MUSK: variants seen among roughly 807,000 people sequenced by gnomAD.
MUSK encodes muscle, skeletal receptor tyrosine-protein kinase.
MUSK carries 55 observed loss-of-function variants against 88.7 expected under a neutral mutation model. The ratio of observed to expected loss-of-function variants is 0.62; its 90% confidence interval spans 0.50 to 0.78. MUSK has a LOEUF of 0.78. Among genes scored for constraint, MUSK ranks in the 30% least tolerant of loss-of-function variants. The pLI, the probability that MUSK is intolerant of heterozygous loss-of-function variation, is 0.00. For missense variants in MUSK, 1,015 were observed against 1,074.3 expected, an observed-to-expected ratio of 0.94 and a Z score of 0.77; for synonymous variants, 387 against 391.9, an observed-to-expected ratio of 0.99 and a Z score of 0.15.
chr9:110,700,260 TA>T lies in MUSK; in HGVS notation c.628+2796del, dbSNP rs1431489005. On this transcript the variant is annotated intron_variant, in intron 5 of 14. Transcript: ENST00000374448. ...TTGTTTAATTCTCACTAAAAGTCTG[TA>T]ACAAGGGCCCTATATTCTGCCATTT... Among the ~76,000 whole-genome samples the T allele has an allele frequency of 5.9e-5, 9 of 152,150 alleles. No individual in the cohort carries two copies. In the East Asian group the frequency reaches 1.5e-3, roughly 26 times the overall value.
chr9:110,757,878 C>T (rs191925361), intron 7 of MUSK, among the ~76,000 whole-genome samples: 44 of 152,148 alleles, frequency 2.9e-4, no homozygotes, highest in African/African-American at 1.0e-3. Context: ...GTGAGGTATT[C>T]GTATTTTAAA....
intron 9 of MUSK, among the ~76,000 whole-genome samples, chr9:110,769,744 G>A (rs1423384083): frequency 6.6e-6 from 1 of 152,116 alleles, no homozygotes; most frequent in Admixed American, 6.5e-5. Context: ...AATGTAACCA[G>A]CAAAATAAAG....
intron 5 of MUSK, among the ~76,000 whole-genome samples, chr9:110,717,218 A>G (rs1038951426): frequency 1.3e-5 from 2 of 149,038 alleles, no homozygotes; most frequent in African/African-American, 5.1e-5. Context: ...GTAGATCATT[A>G]TATATTTTTT....
intron 5 of MUSK, among the ~76,000 whole-genome samples, chr9:110,719,228 C>T (rs2076781069): frequency 6.6e-6 from 1 of 151,884 alleles, no homozygotes; most frequent in African/African-American, 2.4e-5. Context: ...AGAATAGTAC[C>T]TCTCATCTCA....
intron 9 of MUSK, among the ~76,000 whole-genome samples, chr9:110,770,369 T>C (rs2077553326): frequency 6.8e-6 from 1 of 146,294 alleles, no homozygotes; most frequent in African/African-American, 2.5e-5. Context: ...ATACTTAATA[T>C]GATATAACTA....
rs995364265 is a variant in MUSK at position 110,804,705 on chromosome 9, A to C, written c.*3717A>C. Among the ~76,000 whole-genome samples, 1 of 151,904 alleles carries C rather than the reference A, an allele frequency of 6.6e-6. No homozygotes were observed. The highest frequency in any genetic ancestry group is 1.5e-5 in the Non-Finnish European group (1 of 67,838). ...TAACATTTACTTATTTTCTTATAAA[A>C]GTAATATATTATGTTTGAAAAGAAA... is the stretch of plus-strand genomic sequence containing the variant. On this transcript the variant is annotated 3_prime_UTR_variant, in exon 15 of 15. Transcript: ENST00000374448.
chr9:110,767,189 G>A (rs1409246035), intron 8 of MUSK, among the ~76,000 whole-genome samples: 1 of 152,214 alleles, frequency 6.6e-6, no homozygotes, highest in Non-Finnish European at 1.5e-5. Flanking sequence ...GAGACATGAT[G>A]AGAAAACAGC....
At chr9:110,757,130 T>A (rs754386666) in intron 7 of MUSK, among the ~76,000 whole-genome samples, 1 of 152,162 alleles carries the variant, frequency 6.6e-6, no homozygotes, top group African/African-American at 2.4e-5. Context: ...GTTAGCCTGA[T>A]GACTATTGCA....
At chr9:110,697,223 T>G in intron 4 of MUSK, 102 bp from the exon 5 acceptor site, 2 of 1,253,606 alleles carry the variant, frequency 1.6e-6, no homozygotes, top group Non-Finnish European at 2.3e-6. Context: ...AGCGATATCT[T>G]TGATGATGAT....
chr9:110,756,513 G>A (rs145919343), intron 7 of MUSK, among the ~76,000 whole-genome samples: 1 of 149,958 alleles, frequency 6.7e-6, no homozygotes, highest in Non-Finnish European at 1.5e-5. Flanking sequence ...TCAGATTGTT[G>A]CAATTCTTTT....
chr9:110,724,175 T>C (rs36002737), intron 5 of MUSK, among the ~76,000 whole-genome samples: 20,007 of 151,972 alleles, frequency 0.13, 1,771 homozygotes, highest in Non-Finnish European at 0.18. Context: ...TTTTTATACA[T>C]ATACTATTAT....
At chr9:110,783,798 T>G (rs542851599) in intron 11 of MUSK, among the ~76,000 whole-genome samples, 3 of 152,004 alleles carry the variant, frequency 2.0e-5, no homozygotes, top group Admixed American at 2.0e-4. Flanking sequence ...TTCTTTTTTA[T>G]CTAGTGGAAG....
chr9:110,803,307 CTTTGT>C lies in MUSK; in HGVS notation c.*2333_*2337del, dbSNP rs977325861. On this transcript the variant is annotated 3_prime_UTR_variant, in exon 15 of 15. Transcript: ENST00000374448. ...TATCATTATATACATTTTAGTTTTG[CTTTGT>C]TTTGTTTTGTTTTTGAGACGGAGTC... Among the ~76,000 whole-genome samples, 28 of 152,270 alleles carry C rather than the reference CTTTGT, an allele frequency of 1.8e-4. No homozygotes were observed. Among genetic ancestry groups the C allele is most frequent in the African/African-American group, 6.3e-4 (26 of 41,556 alleles).
At chr9:110,711,216 A>G (rs530937949) in intron 5 of MUSK, among the ~76,000 whole-genome samples, 3 of 152,190 alleles carry the variant, frequency 2.0e-5, no homozygotes, top group Non-Finnish European at 2.9e-5. Flanking sequence ...ACAAACCTGC[A>G]CGTTGTGCAC....
At chr9:110,671,909 C>G (rs921050968) in intron 1 of MUSK, among the ~76,000 whole-genome samples, 1 of 152,178 alleles carries the variant, frequency 6.6e-6, no homozygotes, top group Non-Finnish European at 1.5e-5. Flanking sequence ...ACCCGACTTA[C>G]TACAATACGT....
intron 9 of MUSK, among the ~76,000 whole-genome samples, chr9:110,771,159 TTC>T (rs1554753462): frequency 2.1e-4 from 21 of 98,784 alleles, no homozygotes; most frequent in African/African-American, 8.6e-4. Context: ...GCTCATTTCC[TTC>T]TTTTTTTTTT....
Position 110,695,411 on chromosome 9 carries a change from A to C in MUSK, c.367A>C (p.Ile123Leu). ...GALQVKMKPK[I>L]TRPPINVKII... ...TTTTCATTTCTTTTTAGAACCTAAA[A>C]TAACTCGTCCTCCCATAAATGTGAA... The change falls in exon 4 of 15, where the codon ATA (isoleucine) becomes CTA (leucine). Residue 123 changes from isoleucine (I) to leucine (L), a missense_variant. Physicochemically the swap from Ile to Leu is conservative, Grantham distance 5. Transcript: ENST00000374448. The C allele has an allele frequency of 1.3e-6, 2 of 1,509,582 alleles. No individual in the cohort carries two copies. The highest frequency in any genetic ancestry group is 2.1e-5 in the Admixed American group (1 of 47,958). 93.5% of individuals were successfully genotyped at this position (1,509,582 alleles called of 1,614,324 possible).
intron 5 of MUSK, among the ~76,000 whole-genome samples, chr9:110,733,542 A>G (rs2131838134): frequency 6.6e-6 from 1 of 151,816 alleles, no homozygotes; most frequent in African/African-American, 2.4e-5. Flanking sequence ...GAAATTACTC[A>G]TTCTGCTGCC....
At chr9:110,797,139 T>A (rs377525863) in intron 14 of MUSK, among the ~76,000 whole-genome samples, 10,243 of 23,652 alleles carry the variant, frequency 0.43, 1,482 homozygotes, top group Middle Eastern at 0.53. Flanking sequence ...AAATAAAAAA[T>A]AAAAAATAAA....
Sources: allele counts gnomAD v4.1 joint callset (sites outside exome capture counted in the v4.1 genomes callset), GRCh38; gene constraint gnomAD v4.1.1; transcripts MANE v1.5; gene names NCBI Gene and HGNC (gene_info 2026-07-23, HGNC 2026-07-21).